The following TENM2 variants were observed in gnomAD, a reference collection of about 807,000 sequenced individuals.
TENM2 encodes teneurin-2.
Under a neutral mutation model 245.2 loss-of-function variants are expected in TENM2, and 52 were observed. The ratio of observed to expected loss-of-function variants is 0.21; its 90% CI spans 0.17 to 0.27. TENM2 has a LOEUF of 0.27. Among genes scored for constraint, TENM2 ranks in the 10% least tolerant of loss-of-function variants. The probability of loss-of-function intolerance (pLI) is 1.00; values close to 1 mark genes in which losing one functional copy is unlikely to be tolerated. For synonymous variants in TENM2, 1,363 were observed against 1,438.9 expected, an observed-to-expected ratio of 0.95 and a Z score of 1.19; for missense variants, 3,046 against 3,666.8, an observed-to-expected ratio of 0.83 and a Z score of 4.37.
the TENM2 span, among the ~76,000 whole-genome samples, chr5:167,236,780 A>G: frequency 2.0e-5 from 3 of 152,198 alleles, no homozygotes; most frequent in African/African-American, 7.2e-5. Context: ...TCAAAGGGAA[A>G]GCAAAGATCT....
intron 2 of TENM2, among the ~76,000 whole-genome samples, chr5:167,700,467 G>A (rs948950523): frequency 6.6e-6 from 1 of 152,176 alleles, no homozygotes; most frequent in African/African-American, 2.4e-5. Context: ...ATGCATGGTA[G>A]CTTTAGGTGG....
chr5:167,557,674 G>A (rs865816632), intron 2 of TENM2, among the ~76,000 whole-genome samples: 1 of 152,144 alleles, frequency 6.6e-6, no homozygotes, highest in South Asian at 2.1e-4. Context: ...TACCCAGTAG[G>A]GGGGTGATTC....
intron 2 of TENM2, among the ~76,000 whole-genome samples, chr5:167,640,844 TATATATATATATATCC>T (rs1381538079): frequency 1.5e-3 from 6 of 4,066 alleles, no homozygotes; most frequent in Non-Finnish European, 2.0e-3. Flanking sequence ...TATATATCCA[TATATATATATATATCC>T]ATATATATAT....
At chr5:168,133,406 TGAGC>T (rs1754763680) in intron 12 of TENM2, among the ~76,000 whole-genome samples, 2 of 152,360 alleles carry the variant, frequency 1.3e-5, no homozygotes, top group African/African-American at 4.8e-5. Context: ...CACATTTGAA[TGAGC>T]TGATCTCTAA....
intron 2 of TENM2, among the ~76,000 whole-genome samples, chr5:167,645,663 G>A (rs58950178): frequency 0.015 from 2,201 of 149,920 alleles, 54 homozygotes; most frequent in African/African-American, 0.052. Flanking sequence ...ATGCTTTTTC[G>A]TAAGACTTTC....
At chr5:166,994,641 G>C in the TENM2 span, among the ~76,000 whole-genome samples, 33 of 152,346 alleles carry the variant, frequency 2.2e-4, no homozygotes, top group South Asian at 4.1e-4. Context: ...ATGTCTGGGG[G>C]AAAGGCAGGC....
intron 2 of TENM2, among the ~76,000 whole-genome samples, chr5:167,569,330 G>A (rs1774128390): frequency 6.6e-6 from 1 of 151,994 alleles, no homozygotes; most frequent in Admixed American, 6.6e-5. Flanking sequence ...GAATAAGCAA[G>A]CTACTTTGTT....
intron 2 of TENM2, among the ~76,000 whole-genome samples, chr5:167,686,288 C>T (rs1028161624): frequency 6.6e-6 from 1 of 152,138 alleles, no homozygotes; most frequent in African/African-American, 2.4e-5. Flanking sequence ...TATGACTTTT[C>T]CTATCCTTAA....
chr5:167,277,766 T>C, the TENM2 span, among the ~76,000 whole-genome samples: 2 of 152,186 alleles, frequency 1.3e-5, no homozygotes, highest in African/African-American at 4.8e-5. Flanking sequence ...CATTTTTTTG[T>C]TTCACATATT....
intron 4 of TENM2, among the ~76,000 whole-genome samples, chr5:167,972,973 C>T (rs978316252): frequency 3.3e-5 from 5 of 151,906 alleles, no homozygotes; most frequent in African/African-American, 4.9e-5. Context: ...GCATGGCCTA[C>T]GTGATTCAAA....
chr5:167,145,027 C>T, the TENM2 span, among the ~76,000 whole-genome samples: 27 of 152,262 alleles, frequency 1.8e-4, no homozygotes, highest in African/African-American at 5.1e-4. Context: ...ATGTGACATC[C>T]GTCCAATCTC....
chr5:167,559,279 A>T (rs1773443794), intron 2 of TENM2, among the ~76,000 whole-genome samples: 1 of 152,260 alleles, frequency 6.6e-6, no homozygotes, highest in African/African-American at 2.4e-5. Flanking sequence ...GTCCCCCTGC[A>T]ATGTGGATGG....
chr5:168,260,524 T>A, intron 28 of TENM2, 111 bp downstream of exon 30: 2 of 1,300,732 alleles, frequency 1.5e-6, no homozygotes, highest in South Asian at 2.7e-5. Flanking sequence ...TGGAGCTGGG[T>A]ATAAAAGGTG....
chr5:167,158,882 T>A, the TENM2 span, among the ~76,000 whole-genome samples: 1 of 142,966 alleles, frequency 7.0e-6, no homozygotes, highest in Non-Finnish European at 1.5e-5. Context: ...CTTCCTTCCT[T>A]CCTTCCTTCC....
intron 2 of TENM2, among the ~76,000 whole-genome samples, chr5:167,445,843 G>A (rs1765177516): frequency 6.6e-6 from 1 of 152,168 alleles, no homozygotes; most frequent in Non-Finnish European, 1.5e-5. Flanking sequence ...AGCAGAAAGA[G>A]AAAGGGAGAG....
chr5:167,774,688 TC>T (rs1395056331), intron 2 of TENM2, among the ~76,000 whole-genome samples: 2 of 152,142 alleles, frequency 1.3e-5, no homozygotes, highest in Admixed American at 6.5e-5. Flanking sequence ...ATAGGTAATA[TC>T]CAATCACTAG....
chr5:168,216,861 G>A lies in TENM2; in HGVS notation c.4172G>A (p.Gly1391Asp). The A allele has an allele frequency of 5.0e-6, 8 of 1,613,952 alleles. No homozygotes were observed. The highest frequency in any genetic ancestry group is 2.2e-5 in the East Asian group (1 of 44,884). ...AATGGAATCATCTCCACCCTGCTGG[G>A]CTCCAATGACCTCACTGCCGTCCGG... is the stretch of plus-strand genomic sequence containing the variant. Residue 1391 changes from glycine (G) to aspartate (D), a missense_variant, in exon 22 of 29, where the codon GGC (glycine) becomes GAC (aspartate). Coordinates refer to ENST00000518659, the Ensembl canonical transcript of TENM2.
the TENM2 span, among the ~76,000 whole-genome samples, chr5:167,268,417 T>C: frequency 3.3e-5 from 5 of 152,318 alleles, no homozygotes; most frequent in Admixed American, 2.0e-4. Flanking sequence ...ACCTCCTAAA[T>C]ACAAGCAATT....
At chr5:167,021,256 T>C in the TENM2 span, among the ~76,000 whole-genome samples, 1 of 152,096 alleles carries the variant, frequency 6.6e-6, no homozygotes, top group East Asian at 1.9e-4. Flanking sequence ...CGTTAAGAAG[T>C]AAGTAAGAAA....
Sources: allele counts gnomAD v4.1 joint callset (sites outside exome capture counted in the v4.1 genomes callset), GRCh38; gene constraint gnomAD v4.1.1; transcripts MANE v1.5; gene names NCBI Gene and HGNC (gene_info 2026-07-23, HGNC 2026-07-21).